OTUD3: variants seen among roughly 807,000 people sequenced by gnomAD.
The protein encoded by OTUD3 is OTU deubiquitinase 3.
In OTUD3, 24 loss-of-function variants were observed where a neutral mutation model predicts 46.2. That is an observed-to-expected ratio of 0.52 (90% CI 0.38 to 0.73). OTUD3 has a LOEUF of 0.73. OTUD3 is among the 30% of genes least tolerant of loss of function. OTUD3 has a pLI of 0.00. For missense variants in OTUD3, 455 were observed against 523.3 expected, an observed-to-expected ratio of 0.87 and a Z score of 1.27; for synonymous variants, 189 against 195.4, an observed-to-expected ratio of 0.97 and a Z score of 0.27.
chr1:19,887,053 T>C (rs753351448), intron 1 of OTUD3, among the ~76,000 whole-genome samples: 2 of 152,052 alleles, frequency 1.3e-5, no homozygotes, highest in Non-Finnish European at 2.9e-5. Context: ...ATAAAAATTA[T>C]TGATCTCTCA....
At chr1:19,887,348 T>G (rs559012718) in intron 1 of OTUD3, among the ~76,000 whole-genome samples, 96 of 152,156 alleles carry the variant, frequency 6.3e-4, no homozygotes, top group Non-Finnish European at 1.2e-3. Flanking sequence ...CTTCCCAAAG[T>G]GCTGGGATTA....
At position 19,882,723 on chromosome 1, in the gene OTUD3, G is replaced by T; in HGVS notation, c.210G>T (p.Val70=). 1 of 1,370,858 alleles carries T rather than the reference G, an allele frequency of 7.3e-7. No homozygotes were observed. Among genetic ancestry groups the T allele is most frequent in the East Asian group, 3.1e-5 (1 of 32,156 alleles). 84.9% of individuals were successfully genotyped at this position (1,370,858 alleles called of 1,614,324 possible). Residue 70 remains valine (V), a synonymous_variant, in exon 1 of 8, where the codon GTG becomes GTT. Transcript: ENST00000375120. ...LQALGLKLRE[V]PGDGNCLFRA... ...CCCTGGGGCTGAAGCTGCGGGAGGT[G>T]CCGGGGGACGGGTGAGGCGGGCCGG... is the stretch of plus-strand genomic sequence containing the variant.
rs774121069 is a variant in OTUD3, at chr1:19,897,524, C to A, written c.484-16C>A. The A allele has an allele frequency of 4.3e-6, 7 of 1,613,606 alleles. No homozygotes were observed. The highest frequency in any genetic ancestry group is 5.1e-6 in the Non-Finnish European group (6 of 1,179,780). Reference sequence around the variant, plus strand: ...GTTCAGATCCTCACTGGCATGGCCCCTTCTTTTGTCTACAGATTCGTGGTA... The same window carrying A: ...GTTCAGATCCTCACTGGCATGGCCCATTCTTTTGTCTACAGATTCGTGGTA... On this transcript the variant is annotated splice_polypyrimidine_tract_variant and intron_variant, in intron 3 of 7. Transcript: ENST00000375120.
At chr1:19,887,500 C>A (rs2045382565) in intron 1 of OTUD3, among the ~76,000 whole-genome samples, 1 of 152,162 alleles carries the variant, frequency 6.6e-6, no homozygotes, top group Non-Finnish European at 1.5e-5. Context: ...CGGTTAGCAA[C>A]CACTATTAAA....
intron 3 of OTUD3, 27 bp from the exon 4 acceptor site, chr1:19,897,513 T>C (rs1195059675): frequency 8.7e-6 from 14 of 1,612,590 alleles, no homozygotes; most frequent in Non-Finnish European, 1.2e-5. Flanking sequence ...AGATCCTCAC[T>C]GGCATGGCCC....
chr1:19,893,454 A>G (rs1172020087), intron 2 of OTUD3, among the ~76,000 whole-genome samples: 3 of 152,206 alleles, frequency 2.0e-5, no homozygotes, highest in Admixed American at 6.5e-5. Flanking sequence ...TATTCTCCTC[A>G]TAGCATCTGT....
chr1:19,903,536 A>G (rs2045620383), intron 4 of OTUD3, among the ~76,000 whole-genome samples: 1 of 151,868 alleles, frequency 6.6e-6, no homozygotes, highest in South Asian at 2.1e-4. Flanking sequence ...GTTTACATTC[A>G]AAAAATAGAA....
At position 19,908,965 on chromosome 1, in the gene OTUD3, TAGAC is replaced by T. The variant is rs1451564653; in HGVS notation, c.*1224_*1227del. ...TTCGAATCACTCTTCAGTTCTGAAA[TAGAC>T]AGACTTGAGCAGTGGAGAGACGTCT... On this transcript the variant is annotated 3_prime_UTR_variant, in exon 8 of 8. Coordinates refer to ENST00000375120, the MANE Select transcript of OTUD3 (RefSeq NM_015207.2). 2.6e-5 allele frequency: 4 copies of T among 152,342 alleles called. No homozygotes were observed. The highest frequency in any genetic ancestry group is 4.4e-5 in the Non-Finnish European group (3 of 68,042). 9.4% of individuals were successfully genotyped at this position (152,342 alleles called of 1,614,324 possible).
intron 5 of OTUD3, 124 bp from the exon 6 acceptor site, chr1:19,904,767 C>T: frequency 3.2e-6 from 2 of 621,764 alleles, no homozygotes; most frequent in Non-Finnish European, 5.8e-6. Flanking sequence ...TGGAAAAGGT[C>T]CTGAAACCTT....
chr1:19,902,272 G>A (rs909172137), intron 4 of OTUD3, among the ~76,000 whole-genome samples: 7 of 152,008 alleles, frequency 4.6e-5, no homozygotes, highest in Admixed American at 2.0e-4. Flanking sequence ...CGGCACGATC[G>A]TGGCTCACTG....
intron 6 of OTUD3, among the ~76,000 whole-genome samples, chr1:19,905,292 A>T (rs1016172115): frequency 6.6e-6 from 1 of 152,216 alleles, no homozygotes; most frequent in African/African-American, 2.4e-5. Flanking sequence ...TAGAAATAAG[A>T]TGGCCTTAGA....
rs755255808 is a variant in OTUD3, at chr1:19,910,382, A to G, written c.*2636A>G. 1 of 152,304 alleles carries G rather than the reference A, an allele frequency of 6.6e-6. No individual in the cohort carries two copies. The highest frequency in any genetic ancestry group is 1.5e-5 in the Non-Finnish European group (1 of 68,028). The allele number at this position is 152,304 out of a possible 1,614,324, so 9.4% of individuals were successfully genotyped here. On this transcript the variant is annotated 3_prime_UTR_variant, in exon 8 of 8. Coordinates refer to ENST00000375120, the MANE Select transcript of OTUD3 (RefSeq NM_015207.2). Reference sequence around the variant, plus strand: ...TAAACGGTATATAAAGGTTTTACGGATTTTGAAAATATTTTTTTTTAGAGG... The same window carrying G: ...TAAACGGTATATAAAGGTTTTACGGGTTTTGAAAATATTTTTTTTTAGAGG...
intron 4 of OTUD3, among the ~76,000 whole-genome samples, chr1:19,902,497 G>A (rs1010898531): frequency 2.0e-5 from 3 of 152,124 alleles, no homozygotes; most frequent in Non-Finnish European, 4.4e-5. Context: ...GAGCCACCAC[G>A]CCCGGCCAGT....
intron 2 of OTUD3, among the ~76,000 whole-genome samples, chr1:19,894,034 A>G (rs538444225): frequency 4.6e-5 from 7 of 152,252 alleles, no homozygotes; most frequent in Non-Finnish European, 1.0e-4. Flanking sequence ...TGCTTGACAC[A>G]TAACAACCAT....
chr1:19,890,090 C>G (rs1049200195), intron 1 of OTUD3, among the ~76,000 whole-genome samples: 1 of 152,122 alleles, frequency 6.6e-6, no homozygotes, highest in African/African-American at 2.4e-5. Context: ...AGTGTATCAC[C>G]GGCTCCACTT....
chr1:19,903,531 C>A (rs1383567441), intron 4 of OTUD3, among the ~76,000 whole-genome samples: 1 of 151,936 alleles, frequency 6.6e-6, no homozygotes, highest in Non-Finnish European at 1.5e-5. Context: ...TATATGTTTA[C>A]ATTCAAAAAA....
intron 4 of OTUD3, among the ~76,000 whole-genome samples, chr1:19,902,414 C>A (rs2045603267): frequency 1.3e-5 from 2 of 152,236 alleles, no homozygotes; most frequent in Middle Eastern, 3.4e-3. Flanking sequence ...ATCGTGTTAG[C>A]CAGGATGGTC....
At position 19,890,529 on chromosome 1, in the gene OTUD3, G is replaced by A; in HGVS notation, c.366G>A (p.Lys122=). 2 of 1,613,732 alleles carry A rather than the reference G, an allele frequency of 1.2e-6. No individual in the cohort carries two copies. The highest frequency in any genetic ancestry group is 1.7e-6 in the Non-Finnish European group (2 of 1,179,652). The change falls in exon 2 of 8, where the codon AAG becomes AAA. Residue 122 remains lysine (K), a synonymous_variant. Coordinates refer to ENST00000375120, the MANE Select transcript of OTUD3 (RefSeq NM_015207.2). ...TAGAAGATGACATTCCTTTTGAGAA[G>A]CATGGTAGGTTCACTGTGGGACATT... is the stretch of plus-strand genomic sequence containing the variant. ...PFVEDDIPFE[K]HVASLAKPGT... is the part of the protein sequence containing the mutation.
chr1:19,882,482 C>A lies in OTUD3; in HGVS notation c.-32C>A. ...GACGCTGGGGGGTCCTGCGCCTTTCCCTCCTGCCGCTGGGGACTGCAGGCT... is the reference window on the plus strand; with the variant it reads ...GACGCTGGGGGGTCCTGCGCCTTTCACTCCTGCCGCTGGGGACTGCAGGCT... On this transcript the variant is annotated 5_prime_UTR_variant, in exon 1 of 8. Coordinates refer to ENST00000375120, the MANE Select transcript of OTUD3 (RefSeq NM_015207.2). 1 of 1,345,664 alleles carries A rather than the reference C, an allele frequency of 7.4e-7. No homozygotes were observed. The highest frequency in any genetic ancestry group is 9.5e-7 in the Non-Finnish European group (1 of 1,054,014). The allele number at this position is 1,345,664 out of a possible 1,614,324, so 83.4% of individuals were successfully genotyped here. A position where few individuals can be genotyped will look rare whatever the true frequency, so the allele number is the denominator to read the frequency against.
Sources: gnomAD v4.1 joint callset for allele counts (sites outside exome capture counted in the v4.1 genomes callset) on GRCh38, gnomAD v4.1.1 for gene constraint, MANE v1.5 for transcripts, NCBI Gene and HGNC (gene_info 2026-07-23, HGNC 2026-07-21) for gene names.